The following ALK variants were observed in gnomAD, a reference collection of about 807,000 sequenced individuals.
ALK encodes the protein ALK receptor tyrosine kinase.
A neutral mutation model predicts 163.1 loss-of-function variants in ALK; 74 were observed. That is an observed-to-expected ratio of 0.45 (90% CI 0.38 to 0.55). ALK has a LOEUF of 0.55. ALK is among the 20% of genes least tolerant of loss of function. The probability of loss-of-function intolerance (pLI) is 0.00; values close to 1 mark genes in which losing one functional copy is unlikely to be tolerated. For synonymous variants in ALK, 960 were observed against 843.2 expected (o/e 1.14, Z -2.40); for missense variants, 2,063 against 2,105.3 (o/e 0.98, Z 0.39).
In ALK at chr2:29,275,198, T is replaced by C. The variant is rs769942064; in HGVS notation, c.1942A>G (p.Thr648Ala). The change falls in exon 11 of 29, where the codon ACA (threonine) becomes GCA (alanine). Residue 648 changes from threonine (T) to alanine (A), a missense_variant. By Grantham distance (58) the Thr-to-Ala change is moderately conservative. Around this residue, in one of 5 missense-constraint regions of ALK, gnomAD observed 987 missense variants for 939.5 expected, o/e 1.05. Coordinates refer to ENST00000389048, the MANE Select transcript of ALK (RefSeq NM_004304.5). The stretch of plus-strand genomic sequence containing the variant: ...AACAGGTTTCTTGATTTGGGTGCTG[T>C]ATTCTGCAGGATCTTGTCCTCTCCG... ...ISGEDKILQN[T>A]APKSRNLFER... is the part of the protein sequence containing the mutation. 1 of 1,614,170 alleles carries C rather than the reference T, an allele frequency of 6.2e-7. No homozygotes were observed. The highest frequency in any genetic ancestry group is 1.7e-5 in the Admixed American group (1 of 60,032).
intron 3 of ALK, among the ~76,000 whole-genome samples, chr2:29,537,468 G>A (rs1673290456): frequency 6.6e-6 from 1 of 152,230 alleles, no homozygotes; most frequent in African/African-American, 2.4e-5. Context: ...TCAGCCTACA[G>A]ACACACAGAA....
intron 15 of ALK, 23 bp from the exon 16 acceptor site, chr2:29,229,089 T>G: frequency 6.2e-7 from 1 of 1,609,798 alleles, no homozygotes; most frequent in African/African-American, 1.3e-5. Context: ...ATAGGGAACC[T>G]GCGTGAGGAT....
At chr2:29,863,864 T>C (rs1666357913) in intron 1 of ALK, among the ~76,000 whole-genome samples, 1 of 152,128 alleles carries the variant, frequency 6.6e-6, no homozygotes, top group African/African-American at 2.4e-5. Context: ...CCCCTACTCT[T>C]TCATAAGTCA....
intron 9 of ALK, among the ~76,000 whole-genome samples, chr2:29,288,145 G>A (rs540331591): frequency 6.6e-6 from 1 of 152,246 alleles, no homozygotes; most frequent in South Asian, 2.1e-4. Context: ...CCCCTCTGCA[G>A]CACACTCCTG....
intron 4 of ALK, among the ~76,000 whole-genome samples, chr2:29,462,801 T>C (rs1671118117): frequency 6.6e-6 from 1 of 152,178 alleles, no homozygotes; most frequent in Admixed American, 6.5e-5. Context: ...AATGTGTCCT[T>C]GAAAACAGTG....
intron 1 of ALK, among the ~76,000 whole-genome samples, chr2:29,798,156 C>T (rs1190743973): frequency 1.3e-5 from 2 of 152,200 alleles, no homozygotes; most frequent in East Asian, 3.8e-4. Context: ...AAGAAACAAG[C>T]ACAGAAGGCT....
At chr2:29,413,699 T>C (rs528883937) in intron 4 of ALK, among the ~76,000 whole-genome samples, 2 of 152,080 alleles carry the variant, frequency 1.3e-5, no homozygotes, top group Non-Finnish European at 2.9e-5. Context: ...GCCCGGCTAA[T>C]TTTTTATATA....
intron 5 of ALK, among the ~76,000 whole-genome samples, chr2:29,366,131 A>C (rs979645016): frequency 1.2e-4 from 18 of 152,116 alleles, no homozygotes; most frequent in Admixed American, 1.0e-3. Flanking sequence ...CTAAACTTTG[A>C]ATATCTGGAA....
At chr2:29,332,985 A>G (rs1667490632) in intron 5 of ALK, among the ~76,000 whole-genome samples, 2 of 152,246 alleles carry the variant, frequency 1.3e-5, no homozygotes, top group South Asian at 4.1e-4. Context: ...AGCTGTGTTC[A>G]TACAGGCACA....
chr2:29,635,665 TGATCTCG>T (rs1223404487), intron 3 of ALK, among the ~76,000 whole-genome samples: 1 of 151,388 alleles, frequency 6.6e-6, no homozygotes, highest in East Asian at 1.9e-4. Flanking sequence ...CCCCCAGGTG[TGATCTCG>T]GCTCACTGCA....
intron 1 of ALK, among the ~76,000 whole-genome samples, chr2:29,879,446 C>T (rs191506682): frequency 8.9e-4 from 135 of 152,314 alleles, no homozygotes; most frequent in East Asian, 2.5e-3. Flanking sequence ...AGGTGATTTA[C>T]ATCCTTGTGC....
intron 3 of ALK, among the ~76,000 whole-genome samples, chr2:29,564,584 C>T (rs1457491903): frequency 2.0e-5 from 3 of 152,208 alleles, no homozygotes; most frequent in Non-Finnish European, 4.4e-5. Flanking sequence ...TCAACCTGCC[C>T]TCTCATCCAC....
chr2:29,564,309 C>T (rs77093347), intron 3 of ALK, among the ~76,000 whole-genome samples: 2 of 152,174 alleles, frequency 1.3e-5, no homozygotes, highest in African/African-American at 4.8e-5. Flanking sequence ...TCTTACCCAA[C>T]TATCCTAACT....
At chr2:29,533,487 C>A (rs1673171646) in intron 3 of ALK, among the ~76,000 whole-genome samples, 1 of 152,162 alleles carries the variant, frequency 6.6e-6, no homozygotes, top group Non-Finnish European at 1.5e-5. Flanking sequence ...CTAAGCAGTA[C>A]TCTTCTCCTT....
intron 1 of ALK, among the ~76,000 whole-genome samples, chr2:29,732,176 A>C (rs1199000651): frequency 6.6e-6 from 1 of 152,250 alleles, no homozygotes; most frequent in African/African-American, 2.4e-5. Context: ...GCCTCATAGC[A>C]TGAGATTTTT....
intron 11 of ALK, among the ~76,000 whole-genome samples, chr2:29,262,413 C>G (rs891086721): frequency 2.0e-5 from 3 of 152,186 alleles, no homozygotes; most frequent in African/African-American, 7.2e-5. Flanking sequence ...TGAGCGCCTG[C>G]CCATGTGTGC....
At chr2:29,565,664 C>T (rs1240691382) in intron 3 of ALK, among the ~76,000 whole-genome samples, 1 of 152,096 alleles carries the variant, frequency 6.6e-6, no homozygotes, top group Non-Finnish European at 1.5e-5. Context: ...TTGCCCTGGG[C>T]AAGGCTTGTC....
intron 4 of ALK, among the ~76,000 whole-genome samples, chr2:29,428,351 A>G (rs1298840318): frequency 1.3e-5 from 2 of 151,998 alleles, no homozygotes; most frequent in Non-Finnish European, 2.9e-5. Flanking sequence ...AATCAACAAA[A>G]CTCATAAATC....
At chr2:29,694,779 T>C in intron 3 of ALK, 71 bp downstream of exon 3, 1 of 1,586,994 alleles carries the variant, frequency 6.3e-7, no homozygotes, top group Non-Finnish European at 8.6e-7. Context: ...AGTCTCATCA[T>C]TTCAAACAGA....
Sources: allele counts gnomAD v4.1 joint callset (sites outside exome capture counted in the v4.1 genomes callset), GRCh38; gene constraint gnomAD v4.1.1; regional missense constraint gnomAD v4.1.1; transcripts MANE v1.5; gene names NCBI Gene and HGNC (gene_info 2026-07-23, HGNC 2026-07-21).